Variants in VIRMA observed in about 807,000 individuals in gnomAD.
VIRMA encodes vir like m6A methyltransferase associated, also known as protein virilizer homolog.
VIRMA carries 65 observed loss-of-function variants against 182.4 expected under a neutral mutation model. The ratio of observed to expected loss-of-function variants is 0.36; its 90% CI spans 0.29 to 0.44. The LOEUF is 0.44. VIRMA is among the 20% of genes least tolerant of loss of function. The probability of loss-of-function intolerance (pLI) is 1.00; values close to 1 mark genes in which losing one functional copy is unlikely to be tolerated. For missense variants in VIRMA, 1,752 were observed against 2,158.1 expected, an observed-to-expected ratio of 0.81 and a Z score of 3.73; for synonymous variants, 709 against 743.1, an observed-to-expected ratio of 0.95 and a Z score of 0.75.
intron 10 of VIRMA, among the ~76,000 whole-genome samples, chr8:94,517,270 T>C (rs1814591437): frequency 6.6e-6 from 1 of 152,190 alleles, no homozygotes; most frequent in African/African-American, 2.4e-5. Flanking sequence ...TGGTGCAATC[T>C]TGGCTCAGTG....
chr8:94,510,956 A>G (rs1814348775), intron 13 of VIRMA: 1 of 1,330,324 alleles, frequency 7.5e-7, no homozygotes, highest in Non-Finnish European at 9.8e-7. Flanking sequence ...AAGTACAAAC[A>G]TACATAACAG....
intron 21 of VIRMA, among the ~76,000 whole-genome samples, chr8:94,492,367 T>C (rs1196265875): frequency 6.6e-6 from 1 of 151,106 alleles, no homozygotes; most frequent in Non-Finnish European, 1.5e-5. Context: ...CAATGCAATC[T>C]CCACCTCCCG....
chr8:94,494,634 G>C (rs971699302), intron 20 of VIRMA, among the ~76,000 whole-genome samples: 2 of 125,116 alleles, frequency 1.6e-5, no homozygotes, highest in Non-Finnish European at 3.4e-5. Flanking sequence ...TAGCAAAAAA[G>C]TCACAACCTC....
chr8:94,525,218 T>C (rs915304877), intron 8 of VIRMA, among the ~76,000 whole-genome samples: 6 of 152,000 alleles, frequency 3.9e-5, no homozygotes, highest in South Asian at 4.1e-4. Flanking sequence ...AAGGGGAGAG[T>C]TGGTAGACGA....
intron 10 of VIRMA, among the ~76,000 whole-genome samples, chr8:94,516,616 A>C (rs553622592): frequency 2.4e-4 from 37 of 152,350 alleles, no homozygotes; most frequent in Non-Finnish European, 4.4e-4. Flanking sequence ...TTTAAAATTA[A>C]ATCTTTCTTA....
At chr8:94,542,650 A>T (rs1815599586) in intron 2 of VIRMA, among the ~76,000 whole-genome samples, 1 of 152,238 alleles carries the variant, frequency 6.6e-6, no homozygotes, top group Non-Finnish European at 1.5e-5. Flanking sequence ...AGCTCCCTTT[A>T]CAGGAAAATC....
chr8:94,542,460 C>T (rs1227568193), intron 2 of VIRMA, among the ~76,000 whole-genome samples: 1 of 152,240 alleles, frequency 6.6e-6, no homozygotes, highest in African/African-American at 2.4e-5. Flanking sequence ...AGCTAAGCGA[C>T]TCCCAGAATC....
At chr8:94,514,825 A>G (rs1350631654) in intron 11 of VIRMA, 44 bp downstream of exon 11, 1 of 965,520 alleles carries the variant, frequency 1.0e-6, no homozygotes, top group East Asian at 2.4e-5. Flanking sequence ...ATGTACTACC[A>G]CACAGTTTCA....
chr8:94,532,455 G>C (rs1233359028), intron 5 of VIRMA, among the ~76,000 whole-genome samples: 11 of 152,164 alleles, frequency 7.2e-5, no homozygotes, highest in Non-Finnish European at 1.6e-4. Context: ...CTGTACACAT[G>C]ACATAAAAAC....
At position 94,511,440 on chromosome 8, in the gene VIRMA, G is replaced by A. The variant is rs1814370065; in HGVS notation, c.3135C>T (p.Cys1045=). 6.2e-7 allele frequency: 1 copy of A among 1,614,126 alleles called. No individual in the cohort carries two copies. Residue 1045 remains cysteine, a synonymous_variant, in exon 13 of 24, where the codon TGC becomes TGT. Coordinates refer to ENST00000297591, the MANE Select transcript of VIRMA (RefSeq NM_015496.5). The part of the protein sequence containing the change: ...SALVTLHMLL[C]SIPLSGRLDS... ...CCAAACGACCTGAGAGGGGGATAGA[G>A]CACAGGAGCATATGTAAAGTAACAA...
intron 16 of VIRMA, among the ~76,000 whole-genome samples, chr8:94,499,796 G>A (rs912804993): frequency 4.6e-5 from 7 of 151,974 alleles, no homozygotes; most frequent in African/African-American, 1.7e-4. Context: ...TGTAATCCGG[G>A]CGCTTTGGGA....
intron 8 of VIRMA, among the ~76,000 whole-genome samples, chr8:94,523,842 A>T (rs1477104593): frequency 6.6e-6 from 1 of 151,488 alleles, no homozygotes; most frequent in Non-Finnish European, 1.5e-5. Context: ...CCCAGGCTGG[A>T]GTGCAGTGGC....
chr8:94,549,917 A>G (rs1815912924), intron 1 of VIRMA, among the ~76,000 whole-genome samples: 1 of 152,076 alleles, frequency 6.6e-6, no homozygotes, highest in Non-Finnish European at 1.5e-5. Flanking sequence ...GAAACATGGC[A>G]AAACACCGTC....
At chr8:94,506,401 C>A in intron 16 of VIRMA, 99 bp downstream of exon 16, 1 of 741,112 alleles carries the variant, frequency 1.3e-6, no homozygotes. Context: ...ATCATTTCTT[C>A]AACTTTCTAC....
intron 1 of VIRMA, among the ~76,000 whole-genome samples, chr8:94,548,700 G>A (rs1815866798): frequency 6.6e-6 from 1 of 152,038 alleles, no homozygotes; most frequent in Non-Finnish European, 1.5e-5. Flanking sequence ...CTGTCGCCCA[G>A]GCTGGAGTGC....
In VIRMA at chr8:94,553,461, G is replaced by T. The variant is rs776607972; in HGVS notation, c.-14C>A. On this transcript the variant is annotated 5_prime_UTR_variant, in exon 1 of 24. Transcript: ENST00000297591. Reference sequence around the variant, plus strand: ...GTCCACCGCCATGTTTGCCGCGGGCGGGGAACAGGGGGGAGGACTTCCGGG... The same window carrying T: ...GTCCACCGCCATGTTTGCCGCGGGCTGGGAACAGGGGGGAGGACTTCCGGG... 11 of 1,613,572 alleles carry T rather than the reference G, an allele frequency of 6.8e-6. No homozygotes were observed. Among genetic ancestry groups the T allele is most frequent in the Non-Finnish European group, 9.3e-6 (11 of 1,179,504 alleles).
chr8:94,530,127 A>C (rs973224915), intron 6 of VIRMA, among the ~76,000 whole-genome samples: 2 of 152,148 alleles, frequency 1.3e-5, no homozygotes, highest in African/African-American at 4.8e-5. Context: ...TTTTGTACAT[A>C]TCACTACAGC....
intron 10 of VIRMA, among the ~76,000 whole-genome samples, chr8:94,517,367 TA>T (rs2130324197): frequency 6.6e-6 from 1 of 152,310 alleles, no homozygotes; most frequent in East Asian, 1.9e-4. Context: ...CACGCCCAGC[TA>T]ATTTTTGTAT....
intron 6 of VIRMA, 102 bp downstream of exon 6, chr8:94,530,861 A>T: frequency 7.6e-7 from 1 of 1,308,440 alleles, no homozygotes. Context: ...GCAGTGAGCC[A>T]CTGTACTCCA....
Sources: gnomAD v4.1 joint callset for allele counts (sites outside exome capture counted in the v4.1 genomes callset) on GRCh38, gnomAD v4.1.1 for gene constraint, MANE v1.5 for transcripts, NCBI Gene and HGNC (gene_info 2026-07-23, HGNC 2026-07-21) for gene names.